LIG3: variants seen among roughly 807,000 people sequenced by gnomAD.
LIG3 encodes the protein ligase II, DNA, ATP-dependent.
Under a neutral mutation model 110.9 loss-of-function variants are expected in LIG3, and 58 were observed. The observed-to-expected ratio is 0.52, with a 90% CI of 0.42 to 0.65. LIG3 has a LOEUF of 0.65. LIG3 is among the 30% of genes least tolerant of loss of function. LIG3 has a pLI of 0.00. For synonymous variants in LIG3, 422 were observed against 472.8 expected (o/e 0.89, Z 1.39); for missense variants, 1,094 against 1,273.8 (o/e 0.86, Z 2.15).
At position 35,004,990 on chromosome 17, in the gene LIG3, C is replaced by T. The variant is rs1567696480; in HGVS notation, c.*484C>T. Reference sequence around the variant, plus strand: ...TCGGAAATGCTTCTGTTTAGCGGAACTTGTATTCAGCCTGACACGCTTTGC... The same window carrying T: ...TCGGAAATGCTTCTGTTTAGCGGAATTTGTATTCAGCCTGACACGCTTTGC... On this transcript the variant is annotated 3_prime_UTR_variant, in exon 20 of 20. Coordinates refer to ENST00000378526, the MANE Select transcript of LIG3 (RefSeq NM_013975.4). The T allele has an allele frequency of 3.5e-6, 1 of 287,214 alleles. No individual in the cohort carries two copies. Among genetic ancestry groups the T allele is most frequent in the African/African-American group, 2.2e-5 (1 of 45,940 alleles). 17.8% of individuals were successfully genotyped at this position (287,214 alleles called of 1,614,324 possible). A position where few individuals can be genotyped will look rare whatever the true frequency, so the allele number is the denominator to read the frequency against.
intron 16 of LIG3, among the ~76,000 whole-genome samples, chr17:35,000,292 CTT>C (rs1228861039): frequency 6.6e-6 from 1 of 152,204 alleles, no homozygotes; most frequent in African/African-American, 2.4e-5. Flanking sequence ...GAGTTTCACT[CTT>C]GTTGCCCAGG....
intron 12 of LIG3, 146 bp downstream of exon 12, chr17:34,997,971 G>C (rs911454967): frequency 5.8e-6 from 4 of 695,048 alleles, no homozygotes; most frequent in Non-Finnish European, 1.0e-5. Context: ...TGCATATGTT[G>C]CCTGCTAGTC....
chr17:34,998,137 AGT>A, intron 12 of LIG3, 80 bp from the exon 13 acceptor site: 3 of 986,270 alleles, frequency 3.0e-6, no homozygotes, highest in Non-Finnish European at 4.7e-6. Flanking sequence ...ACACTTAACT[AGT>A]GTGTGAAAAG....
intron 11 of LIG3, chr17:34,997,114 C>T (rs3136002): frequency 0.023 from 3,785 of 165,688 alleles, 162 homozygotes; most frequent in African/African-American, 0.085. Context: ...CAGGAAGCTC[C>T]GGATTATAGG....
At position 34,980,570 on chromosome 17, in the gene LIG3, C is replaced by T; in HGVS notation, c.-57C>T. 1.6e-6 allele frequency: 2 copies of T among 1,287,558 alleles called. No homozygotes were observed. Among genetic ancestry groups the T allele is most frequent in the South Asian group, 1.2e-5 (1 of 80,600 alleles). The allele number at this position is 1,287,558 out of a possible 1,614,324, so 79.8% of individuals were successfully genotyped here. Reference sequence around the variant, plus strand: ...CCAACCGTCGTGGGCTGCCCGCGGCCTGTAATGAGCAAGTTCCGAGGCCTA... The same window carrying T: ...CCAACCGTCGTGGGCTGCCCGCGGCTTGTAATGAGCAAGTTCCGAGGCCTA... On this transcript the variant is annotated 5_prime_UTR_variant, in exon 1 of 20. Coordinates refer to ENST00000378526, the MANE Select transcript of LIG3 (RefSeq NM_013975.4).
At chr17:34,989,902 T>C in intron 4 of LIG3, 1 of 521,368 alleles carries the variant, frequency 1.9e-6, no homozygotes. Context: ...TCTGTCTTCC[T>C]CTCCCCTTAT....
Position 35,008,666 on chromosome 17 carries a change from C to T in LIG3, c.*4160C>T, listed in dbSNP as rs577604656. The T allele has an allele frequency of 6.6e-6, 1 of 152,170 alleles. No homozygotes were observed. Among genetic ancestry groups the T allele is most frequent in the Non-Finnish European group, 1.5e-5 (1 of 68,052 alleles). The allele number at this position is 152,170 out of a possible 1,614,324, so 9.4% of individuals were successfully genotyped here. A position where few individuals can be genotyped will look rare whatever the true frequency, so the allele number is the denominator to read the frequency against. On this transcript the variant is annotated 3_prime_UTR_variant, in exon 20 of 20. Transcript: ENST00000378526. ...TTGTTTTTTGAGACAGAGTCTCGCT[C>T]TTTCGCCCAGGCCGGACTGCAGTGG...
At position 35,004,344 on chromosome 17, in the gene LIG3, A is replaced by G; in HGVS notation, c.2868A>G (p.Arg956=). The G allele has an allele frequency of 1.2e-6, 2 of 1,614,162 alleles. No homozygotes were observed. The highest frequency in any genetic ancestry group is 1.7e-6 in the Non-Finnish European group (2 of 1,180,038). ...PPSTPDFSRL[R]RYFVAFDGDL... ...CCACACCAGACTTCAGCCGTCTCAG[A>G]CGCTACTTTGTGGCATTCGACGGGG... Residue 956 remains arginine (R), a synonymous_variant, in exon 20 of 20, where the codon AGA becomes AGG. Transcript: ENST00000378526.
Position 34,982,999 on chromosome 17 carries a change from CA to C in LIG3, c.-4-2del. 1 of 1,463,014 alleles carries C rather than the reference CA, an allele frequency of 6.8e-7. No individual in the cohort carries two copies. The highest frequency in any genetic ancestry group is 1.4e-5 in the South Asian group (1 of 70,156). The allele number at this position is 1,463,014 out of a possible 1,614,324, so 90.6% of individuals were successfully genotyped here. A position where few individuals can be genotyped will look rare whatever the true frequency, so the allele number is the denominator to read the frequency against. ...TTTTTTGGCCTCCTACTCTTTCGTA[CA>C]GCTATATGTCTTTGGCTTTCAAGAT... is the stretch of plus-strand genomic sequence containing the variant. On this transcript the variant is annotated splice_acceptor_variant, in intron 1 of 19. Coordinates refer to ENST00000378526, the MANE Select transcript of LIG3 (RefSeq NM_013975.4). LOFTEE classifies it low-confidence loss of function (5UTR_SPLICE).
Position 34,998,690 on chromosome 17 carries a change from G to T in LIG3, c.2076G>T (p.Leu692=). 8 of 1,614,152 alleles carry T rather than the reference G, an allele frequency of 5.0e-6. No homozygotes were observed. Among genetic ancestry groups the T allele is most frequent in the Non-Finnish European group, 6.8e-6 (8 of 1,179,996 alleles). The change falls in exon 14 of 20, where the codon CTG becomes CTT. Residue 692 remains leucine, a synonymous_variant. Coordinates refer to ENST00000378526, the MANE Select transcript of LIG3 (RefSeq NM_013975.4). ...GGGCCATGGCCGACACAGCTGACCT[G>T]GTGGTCCTTGGAGCCTTCTATGGGC... ...NEGAMADTAD[L]VVLGAFYGQG... is the part of the protein sequence containing the mutation.
In LIG3 at chr17:35,001,941, CTT is replaced by C; in HGVS notation, c.2512_2513del (p.Phe838HisfsTer7). ...ACCAGTTGTCCAAGGAGAAGGCAGA[CTT>C]CACTGTAGTGGCTGGAGATGAGGGG... ...LYQLSKEKAD[F>X]TVVAGDEGSS... On this transcript the variant is annotated frameshift_variant, in exon 18 of 20. Coordinates refer to ENST00000378526, the MANE Select transcript of LIG3 (RefSeq NM_013975.4). LOFTEE classifies it high-confidence loss of function. 1 of 1,611,744 alleles carries C rather than the reference CTT, an allele frequency of 6.2e-7. No homozygotes were observed. Among genetic ancestry groups the C allele is most frequent in the Non-Finnish European group, 8.5e-7 (1 of 1,179,150 alleles).
chr17:34,982,074 C>T (rs2142225250), intron 1 of LIG3, among the ~76,000 whole-genome samples: 1 of 152,290 alleles, frequency 6.6e-6, no homozygotes, highest in Non-Finnish European at 1.5e-5. Context: ...CTTAGAACAG[C>T]TCTTTAAGTT....
Position 35,006,424 on chromosome 17 carries a change from T to TAA in LIG3, c.*1919_*1920dup, listed in dbSNP as rs939036448. 1 of 152,360 alleles carries TAA rather than the reference T, an allele frequency of 6.6e-6. No individual in the cohort carries two copies. The highest frequency in any genetic ancestry group is 2.4e-5 in the African/African-American group (1 of 41,448). The allele number at this position is 152,360 out of a possible 1,614,324, so 9.4% of individuals were successfully genotyped here. A position where few individuals can be genotyped will look rare whatever the true frequency, so the allele number is the denominator to read the frequency against. ...GGCTCTAACCTTAGGCAAGTTACGT[T>TAA]AACATCTAAGCCTCAATCCCTCCAA... On this transcript the variant is annotated 3_prime_UTR_variant, in exon 20 of 20. Transcript: ENST00000378526.
At chr17:34,999,051 T>C (rs1381496558) in intron 14 of LIG3, 7 of 518,226 alleles carry the variant, frequency 1.4e-5, no homozygotes, top group African/African-American at 7.6e-5. Flanking sequence ...ACTAATACTT[T>C]TAAGCAATCT....
chr17:34,989,913 T>C, intron 4 of LIG3: 1 of 498,598 alleles, frequency 2.0e-6, no homozygotes, highest in South Asian at 2.4e-5. Context: ...CTCCCCTTAT[T>C]CTGCTCCTAG....
At chr17:34,984,934 C>T (rs2090640329) in intron 2 of LIG3, among the ~76,000 whole-genome samples, 1 of 152,090 alleles carries the variant, frequency 6.6e-6, no homozygotes, top group Non-Finnish European at 1.5e-5. Flanking sequence ...CTTGACACCA[C>T]ACCCAGCTAA....
rs544013320 is a variant in LIG3 at position 35,004,776 on chromosome 17, C to T, written c.*270C>T. 33 of 440,390 alleles carry T rather than the reference C, an allele frequency of 7.5e-5. No homozygotes were observed. The highest frequency in any genetic ancestry group is 5.1e-4 in the African/African-American group (26 of 50,684). 27.3% of individuals were successfully genotyped at this position (440,390 alleles called of 1,614,324 possible). ...TTTCTTTGAAAAGCAGCTTAGTTAC[C>T]CTTTTTATAAATAAAATATCTTGCA... On this transcript the variant is annotated 3_prime_UTR_variant, in exon 20 of 20. Coordinates refer to ENST00000378526, the MANE Select transcript of LIG3 (RefSeq NM_013975.4).
In LIG3 at chr17:34,992,037, T is replaced by C; in HGVS notation, c.1286+2T>C. On this transcript the variant is annotated splice_donor_variant, in intron 7 of 19. Coordinates refer to ENST00000378526, the MANE Select transcript of LIG3 (RefSeq NM_013975.4). LOFTEE classifies it high-confidence loss of function. ...GATGAACTCAGGTGCAAAACATGTG[T>C]AAGTAGCAGCTCCGCTGACAGCCTG... 6.2e-7 allele frequency: 1 copy of C among 1,613,452 alleles called. No individual in the cohort carries two copies. Among genetic ancestry groups the C allele is most frequent in the Non-Finnish European group, 8.5e-7 (1 of 1,179,334 alleles).
In LIG3 at chr17:35,004,463, T is replaced by C; in HGVS notation, c.2987T>C (p.Ile996Thr). Residue 996 changes from isoleucine to threonine, a missense_variant, in exon 20 of 20, where the codon ATT (isoleucine) becomes ACT (threonine). Physicochemically the swap from Ile to Thr is moderately conservative, Grantham distance 89. Coordinates refer to ENST00000378526, the MANE Select transcript of LIG3 (RefSeq NM_013975.4). ...PAAQQVSPEW[I>T]WACIRKRRLV... Reference sequence around the variant, plus strand: ...GCCCAGCAGGTCTCCCCAGAGTGGATTTGGGCATGTATCCGGAAACGGAGA... The same window carrying C: ...GCCCAGCAGGTCTCCCCAGAGTGGACTTGGGCATGTATCCGGAAACGGAGA... 1.2e-6 allele frequency: 2 copies of C among 1,614,074 alleles called. No homozygotes were observed. Among genetic ancestry groups the C allele is most frequent in the Non-Finnish European group, 1.7e-6 (2 of 1,179,972 alleles).
Sources: gnomAD v4.1 joint callset for allele counts (sites outside exome capture counted in the v4.1 genomes callset) on GRCh38, gnomAD v4.1.1 for gene constraint, MANE v1.5 for transcripts, NCBI Gene and HGNC (gene_info 2026-07-23, HGNC 2026-07-21) for gene names.